CCDC85C: variants seen among roughly 807,000 people sequenced by gnomAD.
The protein encoded by CCDC85C is coiled-coil domain-containing protein 85C.
Under a neutral mutation model 38.3 loss-of-function variants are expected in CCDC85C, and 18 were observed. That is an observed-to-expected ratio of 0.47 (90% CI 0.33 to 0.70). CCDC85C has a LOEUF of 0.70. Among genes scored for constraint, CCDC85C ranks in the 30% least tolerant of loss-of-function variants. The pLI, the probability that CCDC85C is intolerant of heterozygous loss-of-function variation, is 0.03. For missense variants in CCDC85C, 566 were observed against 621.2 expected, an observed-to-expected ratio of 0.91 and a Z score of 0.94; for synonymous variants, 264 against 293.8, an observed-to-expected ratio of 0.90 and a Z score of 1.04.
rs1896990133 is a variant in CCDC85C at position 99,506,944 on chromosome 14, A to C, written c.*8302T>G. ...AATGGTTTAGCTGAAACCTTCTTCA[A>C]GTTCCCTTAAAGCCTTGGTCATCTC... On this transcript the variant is annotated 3_prime_UTR_variant, in exon 6 of 6. Transcript: ENST00000380243. The C allele has an allele frequency of 2.8e-6, 2 of 716,836 alleles. No homozygotes were observed. The highest frequency in any genetic ancestry group is 3.5e-5 in the African/African-American group (2 of 57,148). 44.4% of individuals were successfully genotyped at this position (716,836 alleles called of 1,614,324 possible).
chr14:99,599,659 G>A (rs938355990), intron 1 of CCDC85C, among the ~76,000 whole-genome samples: 2 of 152,268 alleles, frequency 1.3e-5, no homozygotes, highest in Admixed American at 6.5e-5. Flanking sequence ...GGAGGCCAAG[G>A]CAGGAGGACT....
intron 1 of CCDC85C, among the ~76,000 whole-genome samples, chr14:99,552,084 C>T (rs1266761324): frequency 6.6e-6 from 1 of 152,192 alleles, no homozygotes; most frequent in African/African-American, 2.4e-5. Flanking sequence ...GGCACTAACC[C>T]GGAACCTGGG....
At chr14:99,517,966 C>A (rs1897251493) in intron 3 of CCDC85C, among the ~76,000 whole-genome samples, 1 of 152,194 alleles carries the variant, frequency 6.6e-6, no homozygotes, top group African/African-American at 2.4e-5. Flanking sequence ...CAGAAAACAC[C>A]CAGCGGTGCC....
chr14:99,547,347 T>C (rs1897826007), intron 1 of CCDC85C, among the ~76,000 whole-genome samples: 1 of 152,194 alleles, frequency 6.6e-6, no homozygotes, highest in African/African-American at 2.4e-5. Flanking sequence ...GATGAGTAGT[T>C]TCCAGGGGCT....
intron 1 of CCDC85C, among the ~76,000 whole-genome samples, chr14:99,585,373 G>T (rs1219422110): frequency 1.3e-5 from 2 of 152,180 alleles, no homozygotes; most frequent in Non-Finnish European, 2.9e-5. Context: ...CAGGTGTCAG[G>T]TGTGGGGACC....
rs140183550 is a variant in CCDC85C at position 99,586,088 on chromosome 14, T to G, written c.793+17079A>C. Among the ~76,000 whole-genome samples the G allele has an allele frequency of 3.5e-4, 54 of 152,216 alleles. No individual in the cohort carries two copies. The East Asian group carries it at 9.3e-3, about 26-fold the overall frequency. ...CTCAGGGTCCCCTTATAGATGAGGC[T>G]CCAAGGAGGGGGCACCTGGCCAAAG... On this transcript the variant is annotated intron_variant, in intron 1 of 5. Coordinates refer to ENST00000380243, the MANE Select transcript of CCDC85C (RefSeq NM_001144995.2).
chr14:99,590,938 T>C (rs2055078659), intron 1 of CCDC85C, among the ~76,000 whole-genome samples: 1 of 152,184 alleles, frequency 6.6e-6, no homozygotes, highest in Admixed American at 6.5e-5. Context: ...AATGGCCTTA[T>C]CCGCCAGGGA....
intron 1 of CCDC85C, among the ~76,000 whole-genome samples, chr14:99,542,080 C>T (rs1359425820): frequency 1.3e-5 from 2 of 152,222 alleles, no homozygotes; most frequent in Non-Finnish European, 2.9e-5. Flanking sequence ...CATCGGGGCT[C>T]CTGCCCAGCA....
intron 2 of CCDC85C, among the ~76,000 whole-genome samples, chr14:99,527,468 G>A (rs557620198): frequency 2.0e-5 from 3 of 152,206 alleles, no homozygotes; most frequent in African/African-American, 7.2e-5. Flanking sequence ...GGACAGAAAT[G>A]AAACCATGTG....
At chr14:99,536,527 C>T (rs1449045241) in intron 1 of CCDC85C, among the ~76,000 whole-genome samples, 1 of 148,318 alleles carries the variant, frequency 6.7e-6, no homozygotes, top group Non-Finnish European at 1.5e-5. Flanking sequence ...GGGTCGGGGT[C>T]CGGGGAGCCC....
Position 99,503,631 on chromosome 14 carries a change from GAAC to G in CCDC85C, c.*11612_*11614del. 1 of 1,560,410 alleles carries G rather than the reference GAAC, an allele frequency of 6.4e-7. No individual in the cohort carries two copies. Among genetic ancestry groups the G allele is most frequent in the Non-Finnish European group, 8.7e-7 (1 of 1,150,156 alleles). On this transcript the variant is annotated 3_prime_UTR_variant, in exon 6 of 6. Transcript: ENST00000380243. ...AACAGGTTGTTTCTCCCAAAGAAGAGAACAAAGCAGCAGGTAATTTCCTGTTCT... is the reference window on the plus strand; with the variant it reads ...AACAGGTTGTTTCTCCCAAAGAAGAGAAAGCAGCAGGTAATTTCCTGTTCT...
Position 99,576,777 on chromosome 14 carries a change from G to C in CCDC85C, c.793+26390C>G, listed in dbSNP as rs1321988984. On this transcript the variant is annotated intron_variant, in intron 1 of 5. Coordinates refer to ENST00000380243, the MANE Select transcript of CCDC85C (RefSeq NM_001144995.2). The surrounding 1 kb of genome is among the most constrained non-coding windows in gnomAD (Gnocchi z 4.8). Reference sequence around the variant, plus strand: ...ATCTTCCTACCCATGACACCCTGGGGATTCAGAGGGTGGAACGGACTATCA... The same window carrying C: ...ATCTTCCTACCCATGACACCCTGGGCATTCAGAGGGTGGAACGGACTATCA... Among the ~76,000 whole-genome samples the C allele has an allele frequency of 1.3e-5, 2 of 152,172 alleles. No individual in the cohort carries two copies. The highest frequency in any genetic ancestry group is 2.9e-5 in the Non-Finnish European group (2 of 68,018).
In CCDC85C at chr14:99,545,511, T is replaced by G. The variant is rs1897789218; in HGVS notation, c.794-9423A>C. 6.6e-6 allele frequency among the ~76,000 whole-genome samples: 1 copy of G among 152,134 alleles called. No homozygotes were observed. Among genetic ancestry groups the G allele is most frequent in the African/African-American group, 2.4e-5 (1 of 41,422 alleles). ...AATATGGGGACAAGGGGAAAAGAAT[T>G]CCTTCCCTGTGCCTTCAAGGGCTGC... On this transcript the variant is annotated intron_variant, in intron 1 of 5. Coordinates refer to ENST00000380243, the MANE Select transcript of CCDC85C (RefSeq NM_001144995.2). This position sits in a 1 kb window ranked among gnomAD's most constrained non-coding sequence, Gnocchi z 4.7.
At chr14:99,598,199 G>A (rs931755584) in intron 1 of CCDC85C, among the ~76,000 whole-genome samples, 6 of 152,198 alleles carry the variant, frequency 3.9e-5, no homozygotes, top group African/African-American at 1.4e-4. Context: ...TCAACCCAAA[G>A]GTTAGTAACA....
chr14:99,507,076 AACC>A lies in CCDC85C; in HGVS notation c.*8167_*8169del, dbSNP rs1404821726. 1.1e-5 allele frequency: 18 copies of A among 1,599,202 alleles called. No homozygotes were observed. The highest frequency in any genetic ancestry group is 8.8e-5 in the South Asian group (8 of 90,780). On this transcript the variant is annotated 3_prime_UTR_variant, in exon 6 of 6. Transcript: ENST00000380243. ...TTTCTAATCTGCTTTTTCTTTGTAGAACCACCACCACCTAAAATCCCCAAAATT... is the reference window on the plus strand; with the variant it reads ...TTTCTAATCTGCTTTTTCTTTGTAGAACCACCACCTAAAATCCCCAAAATT...
chr14:99,538,212 C>A (rs1432406412), intron 1 of CCDC85C, among the ~76,000 whole-genome samples: 1 of 152,190 alleles, frequency 6.6e-6, no homozygotes, highest in Non-Finnish European at 1.5e-5. Flanking sequence ...GTCCCCACCA[C>A]CAGCAGGTGA....
intron 1 of CCDC85C, among the ~76,000 whole-genome samples, chr14:99,536,688 A>G (rs1897608006): frequency 1.3e-5 from 2 of 152,162 alleles, no homozygotes; most frequent in Admixed American, 1.3e-4. Flanking sequence ...CCTTCCCCAT[A>G]TGACAGTCGG....
In CCDC85C at chr14:99,503,287, G is replaced by C. The variant is rs551777297; in HGVS notation, c.*11959C>G. ...GTGTCCTAGCAGTGTCGTTGTGCATGCTGCTTCTGTGCAGCTGCCTGACCC... is the reference window on the plus strand; with the variant it reads ...GTGTCCTAGCAGTGTCGTTGTGCATCCTGCTTCTGTGCAGCTGCCTGACCC... On this transcript the variant is annotated 3_prime_UTR_variant, in exon 6 of 6. Transcript: ENST00000380243. 9.4e-5 allele frequency: 58 copies of C among 618,416 alleles called. No individual in the cohort carries two copies. The African/African-American group carries it at 9.9e-4, about 11-fold the overall frequency. The allele number at this position is 618,416 out of a possible 1,614,324, so 38.3% of individuals were successfully genotyped here.
rs1413443614 is a variant in CCDC85C, at chr14:99,588,192, C to T, written c.793+14975G>A. Among the ~76,000 whole-genome samples, 1 of 152,134 alleles carries T rather than the reference C, an allele frequency of 6.6e-6. No individual in the cohort carries two copies. The highest frequency in any genetic ancestry group is 2.4e-5 in the African/African-American group (1 of 41,444). Reference sequence around the variant, plus strand: ...GCATCTCAGCCGAACACAACAGTCACCCTGGGACAGTCTTTCCCACTACAA... The same window carrying T: ...GCATCTCAGCCGAACACAACAGTCATCCTGGGACAGTCTTTCCCACTACAA... On this transcript the variant is annotated intron_variant, in intron 1 of 5. Coordinates refer to ENST00000380243, the MANE Select transcript of CCDC85C (RefSeq NM_001144995.2). This position sits in a 1 kb window ranked among gnomAD's most constrained non-coding sequence, Gnocchi z 5.0.
Sources: allele counts gnomAD v4.1 joint callset (sites outside exome capture counted in the v4.1 genomes callset), GRCh38; gene constraint gnomAD v4.1.1; non-coding constraint Gnocchi (gnomAD v3.1); transcripts MANE v1.5; gene names NCBI Gene and HGNC (gene_info 2026-07-23, HGNC 2026-07-21).